Variants in PIKFYVE observed in about 807,000 individuals in gnomAD.
PIKFYVE encodes phosphoinositide kinase, FYVE-type zinc finger containing.
In PIKFYVE, 122 loss-of-function variants were observed where a neutral mutation model predicts 257.9. The ratio of observed to expected loss-of-function variants is 0.47; its 90% confidence interval spans 0.41 to 0.55. PIKFYVE has a LOEUF of 0.55. Among genes scored for constraint, PIKFYVE ranks in the 20% least tolerant of loss-of-function variants. PIKFYVE has a pLI of 0.00. For missense variants in PIKFYVE, 2,160 were observed against 2,536.6 expected (o/e 0.85, Z 3.19); for synonymous variants, 892 against 868.9 (o/e 1.03, Z -0.47).
chr2:208,324,323 C>T (rs1451590906), intron 18 of PIKFYVE, 41 bp downstream of exon 18: 2 of 1,598,254 alleles, frequency 1.3e-6, no homozygotes, highest in African/African-American at 1.3e-5. Flanking sequence ...AAAAAAATCA[C>T]AGCTTTTAAA....
At position 208,271,698 on chromosome 2, in the gene PIKFYVE, C is replaced by CT; in HGVS notation, c.172+9dup. ...CTCTTTCGTTTTAACAAAGGTAAGA[C>CT]TTATTAAAGATAAGAGGTTTGATTC... On this transcript the variant is annotated splice_region_variant and intron_variant, in intron 2 of 41. Transcript: ENST00000264380. The CT allele has an allele frequency of 6.2e-7, 1 of 1,608,866 alleles. No individual in the cohort carries two copies. The highest frequency in any genetic ancestry group is 8.5e-7 in the Non-Finnish European group (1 of 1,175,304).
rs1214078883 is a variant in PIKFYVE, at chr2:208,285,829, T to C, written c.717T>C (p.Ser239=). ...IGEDLNALSD[S]ACSVSVLDPS... ...AAGACTTGAATGCTCTTTCAGATTCTGCTTGCTCTGTGTCTGTGCTTGATC... is the reference window on the plus strand; with the variant it reads ...AAGACTTGAATGCTCTTTCAGATTCCGCTTGCTCTGTGTCTGTGCTTGATC... Residue 239 remains serine, a synonymous_variant, in exon 6 of 42, where the codon TCT becomes TCC. Coordinates refer to ENST00000264380, the MANE Select transcript of PIKFYVE (RefSeq NM_015040.4). 4 of 1,613,996 alleles carry C rather than the reference T, an allele frequency of 2.5e-6. No individual in the cohort carries two copies. In the African/African-American group the frequency reaches 4.0e-5, roughly 16 times the overall value.
Position 208,347,959 on chromosome 2 carries a change from T to G in PIKFYVE, c.5310T>G (p.Ser1770Arg). 6.2e-7 allele frequency: 1 copy of G among 1,614,110 alleles called. No individual in the cohort carries two copies. The highest frequency in any genetic ancestry group is 8.5e-7 in the Non-Finnish European group (1 of 1,179,968). The change falls in exon 35 of 42, where the codon AGT becomes AGG. Residue 1770 changes from serine to arginine, a missense_variant. Ser to Arg is a moderately radical substitution (Grantham distance 110). Transcript: ENST00000264380. ...QKRETLRGAD[S>R]AYYQVGQTGK... ...GAGAGACCTTACGTGGAGCAGATAG[T>G]GCTTACTACCAGGTTGGGCAGACGG...
At chr2:208,302,154 A>C (rs1189492648) in intron 9 of PIKFYVE, 88 bp from the exon 10 acceptor site, 1 of 1,187,480 alleles carries the variant, frequency 8.4e-7, no homozygotes, top group East Asian at 2.4e-5. Flanking sequence ...TAGAACTGAA[A>C]AAAAATATTT....
chr2:208,312,162 A>T (rs567894350), intron 12 of PIKFYVE, 74 bp from the exon 13 acceptor site: 1 of 1,085,536 alleles, frequency 9.2e-7, no homozygotes, highest in South Asian at 1.3e-5. Context: ...TATTCTCTAT[A>T]TAATTATGCT....
chr2:208,309,936 TTC>T (rs1292269079), intron 12 of PIKFYVE, among the ~76,000 whole-genome samples: 1 of 152,054 alleles, frequency 6.6e-6, no homozygotes, highest in Non-Finnish European at 1.5e-5. Flanking sequence ...ACAGAGGAGG[TTC>T]CAGCATTAGG....
chr2:208,349,997 C>T (rs1699620233), intron 35 of PIKFYVE, 27 bp from the exon 36 acceptor site: 3 of 1,610,146 alleles, frequency 1.9e-6, no homozygotes, highest in South Asian at 1.1e-5. Context: ...AAAACCTTGG[C>T]TTTACTAATG....
intron 19 of PIKFYVE, 80 bp downstream of exon 19, chr2:208,325,117 C>G (rs1175823416): frequency 6.3e-7 from 1 of 1,597,212 alleles, no homozygotes; most frequent in African/African-American, 1.3e-5. Context: ...CTAGGAAATA[C>G]CTATTAATAG....
chr2:208,325,086 C>G (rs1574637717), intron 19 of PIKFYVE, 49 bp downstream of exon 19: 3 of 1,610,238 alleles, frequency 1.9e-6, no homozygotes, highest in East Asian at 2.2e-5. Context: ...GTTAACTTAT[C>G]ACTACTACAA....
chr2:208,336,523 T>G (rs1698156663), intron 27 of PIKFYVE, among the ~76,000 whole-genome samples: 1 of 152,160 alleles, frequency 6.6e-6, no homozygotes, highest in Non-Finnish European at 1.5e-5. Context: ...CTATTGGTTT[T>G]TGGCCAGCAA....
chr2:208,353,668 G>A (rs527672129), intron 39 of PIKFYVE, among the ~76,000 whole-genome samples: 1 of 151,916 alleles, frequency 6.6e-6, no homozygotes, highest in East Asian at 1.9e-4. Context: ...TGAGTACCTA[G>A]GTGTTAATTT....
In PIKFYVE at chr2:208,357,674, C is replaced by T. The variant is rs1021669526; in HGVS notation, c.*2369C>T. 4 of 152,154 alleles carry T rather than the reference C, an allele frequency of 2.6e-5. No individual in the cohort carries two copies. Among genetic ancestry groups the T allele is most frequent in the African/African-American group, 9.7e-5 (4 of 41,424 alleles). The allele number at this position is 152,154 out of a possible 1,614,324, so 9.4% of individuals were successfully genotyped here. The stretch of plus-strand genomic sequence containing the variant: ...TCTATTGAGTGGTAGAACTATATGT[C>T]TGGTCCCTTGCTGCTCTTGTTTAGG... On this transcript the variant is annotated 3_prime_UTR_variant, in exon 42 of 42. Coordinates refer to ENST00000264380, the MANE Select transcript of PIKFYVE (RefSeq NM_015040.4).
intron 1 of PIKFYVE, chr2:208,269,504 C>T (rs1689130711): frequency 7.6e-6 from 2 of 261,904 alleles, no homozygotes; most frequent in Admixed American, 8.0e-5. Flanking sequence ...TTGACTAACA[C>T]ATGAAGCCCC....
At chr2:208,291,763 C>A (rs1559067608) in intron 7 of PIKFYVE, among the ~76,000 whole-genome samples, 1 of 152,170 alleles carries the variant, frequency 6.6e-6, no homozygotes, top group South Asian at 2.1e-4. Flanking sequence ...TTTCAAAGAA[C>A]CAGCTTTGGC....
At chr2:208,277,889 G>T (rs1413275671) in intron 5 of PIKFYVE, among the ~76,000 whole-genome samples, 181 bp downstream of exon 5, 1 of 152,118 alleles carries the variant, frequency 6.6e-6, no homozygotes, top group Non-Finnish European at 1.5e-5. Context: ...CAGTAGATGG[G>T]ACTTATCATA....
In PIKFYVE at chr2:208,276,799, G is replaced by A. The variant is rs1386950400; in HGVS notation, c.410G>A (p.Arg137His). ...QLRSLSTVLK[R>H]LKEIMEGKSQ... ...CGAAGCCTCAGCACAGTATTAAAACGCCTCAAGGAAATCATGGAGGGGAAA... is the reference window on the plus strand; with the variant it reads ...CGAAGCCTCAGCACAGTATTAAAACACCTCAAGGAAATCATGGAGGGGAAA... Residue 137 changes from arginine to histidine, a missense_variant, in exon 4 of 42, where the codon CGC becomes CAC. Physicochemically the swap from Arg to His is conservative, Grantham distance 29. Coordinates refer to ENST00000264380, the MANE Select transcript of PIKFYVE (RefSeq NM_015040.4). 14 of 1,613,356 alleles carry A rather than the reference G, an allele frequency of 8.7e-6. No individual in the cohort carries two copies. The highest frequency in any genetic ancestry group is 2.2e-5 in the South Asian group (2 of 91,058).
rs1018283059 is a variant in PIKFYVE, at chr2:208,355,847, G to A, written c.*542G>A. 4 of 152,648 alleles carry A rather than the reference G, an allele frequency of 2.6e-5. No homozygotes were observed. The highest frequency in any genetic ancestry group is 9.7e-5 in the African/African-American group (4 of 41,398). 9.5% of individuals were successfully genotyped at this position (152,648 alleles called of 1,614,324 possible). A position where few individuals can be genotyped will look rare whatever the true frequency, so the allele number is the denominator to read the frequency against. ...ACGTGGGCATTTATTGTTTTATTGA[G>A]GAATTTGACTTAAACTGGGAATCCT... On this transcript the variant is annotated 3_prime_UTR_variant, in exon 42 of 42. Coordinates refer to ENST00000264380, the MANE Select transcript of PIKFYVE (RefSeq NM_015040.4).
At chr2:208,312,177 T>C (rs1695002397) in intron 12 of PIKFYVE, 59 bp from the exon 13 acceptor site, 2 of 1,187,370 alleles carry the variant, frequency 1.7e-6, no homozygotes, top group South Asian at 2.5e-5. Context: ...TATGCTGACA[T>C]GTTATAGTCA....
intron 35 of PIKFYVE, among the ~76,000 whole-genome samples, chr2:208,348,635 T>TGTGTGTGTGTGTGTGC (rs1699469050): frequency 6.6e-6 from 1 of 151,368 alleles, no homozygotes. Context: ...TGTGTGTGTG[T>TGTGTGTGTGTGTGTGC]GTATCTACCT....
Sources: gnomAD v4.1 joint callset for allele counts (sites outside exome capture counted in the v4.1 genomes callset) on GRCh38, gnomAD v4.1.1 for gene constraint, MANE v1.5 for transcripts, NCBI Gene and HGNC (gene_info 2026-07-23, HGNC 2026-07-21) for gene names.